Variants in SLC14A2 observed in about 807,000 individuals in gnomAD.
SLC14A2 encodes urea transporter 2.
A neutral mutation model predicts 104.6 loss-of-function variants in SLC14A2; 91 were observed. The ratio of observed to expected loss-of-function variants is 0.87; its 90% CI spans 0.73 to 1.04. The LOEUF is 1.04. Ranked by LOEUF, SLC14A2 falls within the 50% of genes least tolerant of loss-of-function variation. SLC14A2 has a pLI of 0.00. For missense variants in SLC14A2, 1,189 were observed against 1,156.0 expected (o/e 1.03, Z -0.41); for synonymous variants, 476 against 466.4 (o/e 1.02, Z -0.27).
intron 1 of SLC14A2, among the ~76,000 whole-genome samples, chr18:45,219,416 C>T (rs763121556): frequency 3.3e-5 from 5 of 152,176 alleles, no homozygotes; most frequent in Middle Eastern, 3.4e-3. Flanking sequence ...CAGTTAAGTC[C>T]TTTGTTAGAA....
At chr18:45,527,685 T>G (rs1463966089) in intron 2 of SLC14A2, among the ~76,000 whole-genome samples, 4 of 152,190 alleles carry the variant, frequency 2.6e-5, no homozygotes, top group Admixed American at 2.6e-4. Flanking sequence ...GGCAAATCGT[T>G]TGTTCTAAGT....
At chr18:45,670,247 A>G (rs1308366728) in intron 16 of SLC14A2, among the ~76,000 whole-genome samples, 1 of 152,228 alleles carries the variant, frequency 6.6e-6, no homozygotes, top group Non-Finnish European at 1.5e-5. Context: ...ATTAAGAAAC[A>G]TATAACAGAG....
the SLC14A2 span, among the ~76,000 whole-genome samples, chr18:45,184,392 T>C: frequency 6.6e-6 from 1 of 152,218 alleles, no homozygotes; most frequent in Non-Finnish European, 1.5e-5. Flanking sequence ...TTGATTCCTA[T>C]TTAAGTTCAT....
chr18:45,190,916 T>G, the SLC14A2 span, among the ~76,000 whole-genome samples: 1 of 152,200 alleles, frequency 6.6e-6, no homozygotes, highest in Non-Finnish European at 1.5e-5. Flanking sequence ...TGCTACTCCA[T>G]GAGGCCTTTT....
intron 16 of SLC14A2, among the ~76,000 whole-genome samples, chr18:45,672,647 G>T (rs1187459426): frequency 6.6e-6 from 1 of 152,142 alleles, no homozygotes; most frequent in Non-Finnish European, 1.5e-5. Context: ...TTCCCTGAGG[G>T]ATAAATGCCT....
intron 1 of SLC14A2, chr18:45,424,187 G>A (rs1176480880): frequency 6.6e-6 from 1 of 152,220 alleles, no homozygotes; most frequent in Non-Finnish European, 1.5e-5. Flanking sequence ...GAAGTACACT[G>A]TTTAAAAGGC....
chr18:45,315,041 T>G (rs1366212048), intron 1 of SLC14A2, among the ~76,000 whole-genome samples: 1 of 152,134 alleles, frequency 6.6e-6, no homozygotes, highest in Non-Finnish European at 1.5e-5. Context: ...GGGCTGGAGT[T>G]AAGCATACAA....
chr18:45,509,968 C>G, intron 2 of SLC14A2, among the ~76,000 whole-genome samples: 1 of 152,184 alleles, frequency 6.6e-6, no homozygotes, highest in East Asian at 1.9e-4. Context: ...AACCTGAAAT[C>G]TGAGTGGAGG....
chr18:45,299,463 TG>T (rs2084947250), intron 1 of SLC14A2, among the ~76,000 whole-genome samples: 1 of 152,206 alleles, frequency 6.6e-6, no homozygotes, highest in Non-Finnish European at 1.5e-5. Context: ...TTTTTGTTTT[TG>T]TTTTTTTATT....
At chr18:45,501,313 G>GT (rs2043195779) in intron 2 of SLC14A2, among the ~76,000 whole-genome samples, 2 of 152,188 alleles carry the variant, frequency 1.3e-5, no homozygotes, top group South Asian at 4.1e-4. Context: ...TAAGGGACCT[G>GT]TGATTATGAT....
intron 1 of SLC14A2, among the ~76,000 whole-genome samples, chr18:45,382,011 C>T (rs1167111731): frequency 6.6e-6 from 1 of 152,150 alleles, no homozygotes; most frequent in African/African-American, 2.4e-5. Flanking sequence ...TTAGCACCCT[C>T]CCCCTAACAG....
intron 2 of SLC14A2, chr18:45,484,998 A>G (rs2087573113): frequency 6.6e-6 from 1 of 152,200 alleles, no homozygotes; most frequent in African/African-American, 2.4e-5. Context: ...ATTGTTATTA[A>G]TAGGCTGCTA....
At chr18:45,614,687 G>A (rs1338560246), upstream of SLC14A2, 1 of 152,116 alleles carries the variant, frequency 6.6e-6, no homozygotes, top group African/African-American at 2.4e-5. Context: ...TTTTGGACTT[G>A]CGTGGGGCCT....
intron 1 of SLC14A2, among the ~76,000 whole-genome samples, chr18:45,274,920 T>G (rs1297503130): frequency 2.6e-5 from 4 of 152,222 alleles, no homozygotes; most frequent in African/African-American, 9.6e-5. Flanking sequence ...ATTCCCTGTT[T>G]TGATAGATGC....
At chr18:45,197,199 G>A in the SLC14A2 span, among the ~76,000 whole-genome samples, 1 of 152,218 alleles carries the variant, frequency 6.6e-6, no homozygotes, top group East Asian at 1.9e-4. Flanking sequence ...GGACCATGAA[G>A]AGAGAATTTT....
chr18:45,600,484 C>G (rs2044772660), intron 2 of SLC14A2, among the ~76,000 whole-genome samples: 1 of 152,172 alleles, frequency 6.6e-6, no homozygotes, highest in South Asian at 2.1e-4. Flanking sequence ...CCACAACACA[C>G]AGTGAACAGG....
chr18:45,588,237 A>G (rs1436990955), intron 2 of SLC14A2, among the ~76,000 whole-genome samples: 3 of 152,196 alleles, frequency 2.0e-5, no homozygotes, highest in East Asian at 3.9e-4. Context: ...TGGGCTCCCA[A>G]TTTCTGAGAT....
intron 2 of SLC14A2, among the ~76,000 whole-genome samples, chr18:45,603,514 T>C (rs1386504211): frequency 6.6e-6 from 1 of 152,206 alleles, no homozygotes. Context: ...CAGAGAGTTA[T>C]GATAAATTCA....
intron 1 of SLC14A2, among the ~76,000 whole-genome samples, chr18:45,405,446 A>C (rs1209462297): frequency 6.6e-6 from 1 of 152,210 alleles, no homozygotes; most frequent in Admixed American, 6.5e-5. Flanking sequence ...GGTGACCACA[A>C]TAAAGTGAGT....
Sources: gnomAD v4.1 joint callset for allele counts (sites outside exome capture counted in the v4.1 genomes callset) on GRCh38, gnomAD v4.1.1 for gene constraint, MANE v1.5 for transcripts, NCBI Gene and HGNC (gene_info 2026-07-23, HGNC 2026-07-21) for gene names.